The following SV2C variants were observed in gnomAD, a reference collection of about 807,000 sequenced individuals.
SV2C encodes the protein solute carrier family 22 member B3.
Under a neutral mutation model 79.7 loss-of-function variants are expected in SV2C, and 49 were observed. The ratio of observed to expected loss-of-function variants is 0.61; its 90% CI spans 0.49 to 0.78. The LOEUF is 0.78. Ranked by LOEUF, SV2C falls within the 30% of genes least tolerant of loss-of-function variation. The pLI is 0.00. For synonymous variants in SV2C, 334 were observed against 333.2 expected (o/e 1.00, Z -0.03); for missense variants, 833 against 912.9 (o/e 0.91, Z 1.13).
the SV2C span, among the ~76,000 whole-genome samples, chr5:76,016,257 A>AAAAAAAAAAAAAAAAG: frequency 6.7e-6 from 1 of 148,746 alleles, no homozygotes; most frequent in Non-Finnish European, 1.5e-5. Context: ...AATTTTCTAA[A>AAAAAAAAAAAAAAAAG]AAAAAAAAAA....
At chr5:76,041,318 C>T in the SV2C span, among the ~76,000 whole-genome samples, 3 of 152,214 alleles carry the variant, frequency 2.0e-5, no homozygotes, top group African/African-American at 7.2e-5. Flanking sequence ...TCTCTTCTCA[C>T]CTTTGGCTTT....
intron 12 of SV2C, among the ~76,000 whole-genome samples, chr5:76,319,852 A>G (rs976629686): frequency 4.6e-5 from 7 of 152,324 alleles, no homozygotes; most frequent in African/African-American, 1.4e-4. Context: ...GTTACTCTGC[A>G]GTTTCAGCAT....
chr5:75,900,477 C>G, the SV2C span, among the ~76,000 whole-genome samples: 3 of 152,166 alleles, frequency 2.0e-5, no homozygotes, highest in East Asian at 1.9e-4. Flanking sequence ...CCCGACCTTT[C>G]TCTCTGGCTG....
the SV2C span, among the ~76,000 whole-genome samples, chr5:75,898,082 C>G: frequency 2.1e-4 from 32 of 152,120 alleles, no homozygotes; most frequent in African/African-American, 7.7e-4. Context: ...CCTAATTGCC[C>G]TGGCCAGAAC....
At chr5:76,291,520 G>C (rs1747564558) in intron 7 of SV2C, among the ~76,000 whole-genome samples, 189 bp downstream of exon 7, 1 of 152,172 alleles carries the variant, frequency 6.6e-6, no homozygotes, top group Non-Finnish European at 1.5e-5. Flanking sequence ...TCCATCTGTG[G>C]GAAGGGAAAG....
chr5:76,220,465 A>G (rs1455133154), intron 4 of SV2C, among the ~76,000 whole-genome samples: 1 of 152,080 alleles, frequency 6.6e-6, no homozygotes, highest in African/African-American at 2.4e-5. Context: ...TGAGCTCAGG[A>G]GTTCGAGGCC....
intron 1 of SV2C, among the ~76,000 whole-genome samples, chr5:76,091,220 T>G (rs1302290281): frequency 6.6e-6 from 1 of 152,198 alleles, no homozygotes; most frequent in Non-Finnish European, 1.5e-5. Flanking sequence ...AGCATCCAAT[T>G]AAATCTGCAA....
At chr5:76,102,333 C>G (rs758202811) in intron 1 of SV2C, among the ~76,000 whole-genome samples, 24 of 152,152 alleles carry the variant, frequency 1.6e-4, no homozygotes, top group Non-Finnish European at 2.6e-4. Flanking sequence ...GATCACATAG[C>G]TAACTCTCAC....
At chr5:75,988,666 G>A in the SV2C span, among the ~76,000 whole-genome samples, 1 of 151,912 alleles carries the variant, frequency 6.6e-6, no homozygotes, top group East Asian at 1.9e-4. Context: ...GATCAGTGCA[G>A]ACATAAGGAT....
the SV2C span, among the ~76,000 whole-genome samples, chr5:76,035,433 G>C: frequency 6.6e-6 from 1 of 152,042 alleles, no homozygotes; most frequent in Admixed American, 6.5e-5. Context: ...GTGTCCAAGA[G>C]ATTCTGGTAT....
intron 2 of SV2C, among the ~76,000 whole-genome samples, chr5:76,183,478 C>T (rs1001446860): frequency 1.3e-5 from 2 of 152,106 alleles, no homozygotes; most frequent in Non-Finnish European, 2.9e-5. Context: ...GAGATTTGGG[C>T]ATGACAAATA....
At chr5:75,921,134 A>G in the SV2C span, 6 of 877,722 alleles carry the variant, frequency 6.8e-6, no homozygotes, top group Non-Finnish European at 5.6e-6. Flanking sequence ...GCTGTTTTCA[A>G]TGTTCATGGC....
chr5:75,935,489 G>A, the SV2C span, among the ~76,000 whole-genome samples: 1 of 152,014 alleles, frequency 6.6e-6, no homozygotes, highest in Non-Finnish European at 1.5e-5. Flanking sequence ...TCATTGCAGT[G>A]TAATTTTAAA....
intron 4 of SV2C, among the ~76,000 whole-genome samples, chr5:76,219,362 A>G (rs13171899): frequency 0.19 from 29,173 of 152,198 alleles, 3,147 homozygotes; most frequent in Non-Finnish European, 0.25. Flanking sequence ...TCCTTCAGTG[A>G]TGGTTCACTT....
Position 76,125,674 on chromosome 5 carries a change from C to T in SV2C, c.-101-5976C>T, listed in dbSNP as rs1279552522. Among the ~76,000 whole-genome samples the T allele has an allele frequency of 7.2e-5, 11 of 152,104 alleles. 1 individual carries two copies. The highest frequency in any genetic ancestry group is 7.2e-4 in the Admixed American group (11 of 15,268). ...TTATAGGACCACAAGGTGCAGATTGCACCTTGGGGGACTACTGATCCAGAC... is the reference window on the plus strand; with the variant it reads ...TTATAGGACCACAAGGTGCAGATTGTACCTTGGGGGACTACTGATCCAGAC... On this transcript the variant is annotated intron_variant, in intron 1 of 12. Coordinates refer to ENST00000502798, the MANE Select transcript of SV2C (RefSeq NM_014979.4).
At chr5:75,886,299 A>G in the SV2C span, among the ~76,000 whole-genome samples, 1 of 152,070 alleles carries the variant, frequency 6.6e-6, no homozygotes, top group Admixed American at 6.6e-5. Context: ...TCTTTTTGCT[A>G]AGGAAAATCT....
At chr5:76,175,023 C>A (rs1743479967) in intron 2 of SV2C, among the ~76,000 whole-genome samples, 1 of 152,206 alleles carries the variant, frequency 6.6e-6, no homozygotes, top group Admixed American at 6.5e-5. Flanking sequence ...AAGGTGAAAT[C>A]TCAGACCCCT....
chr5:75,914,559 G>C, the SV2C span, among the ~76,000 whole-genome samples: 1 of 152,182 alleles, frequency 6.6e-6, no homozygotes, highest in Non-Finnish European at 1.5e-5. Context: ...AGGGAATGGA[G>C]AGTGGTTGTT....
intron 10 of SV2C, among the ~76,000 whole-genome samples, chr5:76,299,585 C>G (rs1436080383): frequency 6.6e-6 from 1 of 152,226 alleles, no homozygotes; most frequent in African/African-American, 2.4e-5. Context: ...AAACATTGGT[C>G]TGTGTGTCCT....
Sources: gnomAD v4.1 joint callset for allele counts (sites outside exome capture counted in the v4.1 genomes callset) on GRCh38, gnomAD v4.1.1 for gene constraint, MANE v1.5 for transcripts, NCBI Gene and HGNC (gene_info 2026-07-23, HGNC 2026-07-21) for gene names.